The following SFTPB variants were observed in gnomAD, a reference collection of about 807,000 sequenced individuals.
SFTPB encodes the protein surfactant protein B.
Under a neutral mutation model 51.0 loss-of-function variants are expected in SFTPB, and 32 were observed. The observed-to-expected ratio is 0.63, with a 90% CI of 0.47 to 0.84. The LOEUF is 0.84. Among genes scored for constraint, SFTPB ranks in the 40% least tolerant of loss-of-function variants. SFTPB has a pLI of 0.00. For missense variants in SFTPB, 431 were observed against 491.2 expected, an observed-to-expected ratio of 0.88 and a Z score of 1.16; for synonymous variants, 211 against 208.5, an observed-to-expected ratio of 1.01 and a Z score of -0.10.
chr2:85,662,010 C>A lies in SFTPB; in HGVS notation c.1083+19G>T. The A allele has an allele frequency of 6.3e-7, 1 of 1,586,852 alleles. No individual in the cohort carries two copies. Among genetic ancestry groups the A allele is most frequent in the Non-Finnish European group, 8.6e-7 (1 of 1,168,118 alleles). ...GAGCCAAGGGAAGTCCTAGGACCAA[C>A]TGGGAGGGGTGGGTGTACCTGGCAG... is the stretch of plus-strand genomic sequence containing the variant. On this transcript the variant is annotated intron_variant, in intron 9 of 10. Transcript: ENST00000519937.
chr2:85,666,215 CTGTGTGTGTG>C (rs34530476), intron 4 of SFTPB, among the ~76,000 whole-genome samples: 7 of 96,438 alleles, frequency 7.3e-5, no homozygotes, highest in South Asian at 3.7e-4. Flanking sequence ...TGTGTGTGTG[CTGTGTGTGTG>C]TGTGTGTGTG....
chr2:85,662,149 A>AG, intron 8 of SFTPB, 40 bp from the exon 9 acceptor site: 1 of 1,576,184 alleles, frequency 6.3e-7, no homozygotes, highest in East Asian at 2.3e-5. Context: ...GTCCCTTTGC[A>AG]GGACTCTCCT....
intron 10 of SFTPB, among the ~76,000 whole-genome samples, chr2:85,660,122 CTT>C (rs34073715): frequency 5.2e-5 from 7 of 135,144 alleles, no homozygotes; most frequent in Admixed American, 7.5e-5. Context: ...GCACCCACTA[CTT>C]TTTTTTTTTT....
rs533650464 is a variant in SFTPB, at chr2:85,663,887, C to T, written c.673-40G>A. Reference sequence around the variant, plus strand: ...GAGAGAGGCCAGCATGGGACCTTCACTTGGCAAGCCTCCACTCTCTGCCCA... The same window carrying T: ...GAGAGAGGCCAGCATGGGACCTTCATTTGGCAAGCCTCCACTCTCTGCCCA... On this transcript the variant is annotated intron_variant, in intron 6 of 10. Transcript: ENST00000519937. The T allele has an allele frequency of 2.0e-4, 315 of 1,539,948 alleles. 1 individual carries two copies. In the South Asian group the frequency reaches 3.5e-3, roughly 17 times the overall value.
intron 4 of SFTPB, among the ~76,000 whole-genome samples, chr2:85,666,198 G>A (rs1177585540): frequency 2.8e-5 from 4 of 144,656 alleles, no homozygotes; most frequent in Non-Finnish European, 6.0e-5. Flanking sequence ...GTGGCCAGCT[G>A]GGGTGCTGTG....
intron 2 of SFTPB, 146 bp from the exon 3 acceptor site, chr2:85,667,323 A>T: frequency 1.4e-6 from 1 of 703,496 alleles, no homozygotes; most frequent in Non-Finnish European, 2.6e-6. Flanking sequence ...CATCTCATCC[A>T]TATCAATTTA....
chr2:85,658,440 A>G lies in SFTPB; in HGVS notation c.*1262T>C, dbSNP rs1184957832. On this transcript the variant is annotated 3_prime_UTR_variant, in exon 11 of 11. Transcript: ENST00000519937. The stretch of plus-strand genomic sequence containing the variant: ...GACGTCTGCTTCTCTGCCAAGGGAG[A>G]GAGTGAGGTAGGCCTGGGCCCGCTG... 1 of 152,108 alleles carries G rather than the reference A, an allele frequency of 6.6e-6. No individual in the cohort carries two copies. The highest frequency in any genetic ancestry group is 1.5e-5 in the Non-Finnish European group (1 of 68,090). The allele number at this position is 152,108 out of a possible 1,614,324, so 9.4% of individuals were successfully genotyped here.
In SFTPB at chr2:85,657,949, G is replaced by A. The variant is rs1349455392; in HGVS notation, c.*1753C>T. ...TACAAAGCACCTTCTCAAGGGTGGGGAAGGTGTATTGTCACAAGGTCAATT... is the reference window on the plus strand; with the variant it reads ...TACAAAGCACCTTCTCAAGGGTGGGAAAGGTGTATTGTCACAAGGTCAATT... On this transcript the variant is annotated 3_prime_UTR_variant, in exon 11 of 11. Coordinates refer to ENST00000519937, the MANE Select transcript of SFTPB (RefSeq NM_000542.5). 3 of 152,204 alleles carry A rather than the reference G, an allele frequency of 2.0e-5. No individual in the cohort carries two copies. Among genetic ancestry groups the A allele is most frequent in the Non-Finnish European group, 2.9e-5 (2 of 68,048 alleles). The allele number at this position is 152,204 out of a possible 1,614,324, so 9.4% of individuals were successfully genotyped here.
chr2:85,660,153 C>T (rs1281592521), intron 10 of SFTPB, among the ~76,000 whole-genome samples: 1 of 148,736 alleles, frequency 6.7e-6, no homozygotes, highest in East Asian at 2.0e-4. Flanking sequence ...GACGGAGTCT[C>T]ACTCTGTCAC....
chr2:85,664,047 G>A (rs1677455012), intron 6 of SFTPB, among the ~76,000 whole-genome samples, 200 bp from the exon 7 acceptor site: 2 of 152,182 alleles, frequency 1.3e-5, no homozygotes, highest in African/African-American at 4.8e-5. Context: ...ACTGAGTGTA[G>A]GAGCCAGCTT....
At chr2:85,660,276 C>T (rs915426788) in intron 10 of SFTPB, among the ~76,000 whole-genome samples, 1 of 148,578 alleles carries the variant, frequency 6.7e-6, no homozygotes, top group African/African-American at 2.5e-5. Context: ...TGTGTGCCAC[C>T]ACATCTGGCT....
At chr2:85,668,087 C>T (rs1407651438) in intron 1 of SFTPB, 30 bp downstream of exon 1, 3 of 1,517,452 alleles carry the variant, frequency 2.0e-6, no homozygotes, top group Non-Finnish European at 2.7e-6. Flanking sequence ...GTGGAGCTGC[C>T]TAGGAGAGGG....
At chr2:85,663,598 AT>A in intron 7 of SFTPB, 65 bp downstream of exon 7, 1 of 1,594,128 alleles carries the variant, frequency 6.3e-7, no homozygotes, top group Non-Finnish European at 8.6e-7. Flanking sequence ...GGAGAGGGTC[AT>A]GCAGTGGCAG....
chr2:85,664,789 G>T (rs1677489812), intron 6 of SFTPB, among the ~76,000 whole-genome samples: 1 of 152,236 alleles, frequency 6.6e-6, no homozygotes. Flanking sequence ...AGGGGGCAGG[G>T]CCTTTCCTCA....
intron 6 of SFTPB, among the ~76,000 whole-genome samples, chr2:85,664,569 A>T (rs1677478801): frequency 6.6e-6 from 1 of 152,030 alleles, no homozygotes; most frequent in East Asian, 1.9e-4. Context: ...GGTTCAAGTG[A>T]TTCTCCTGCC....
Position 85,663,439 on chromosome 2 carries a change from CAT to C in SFTPB, c.907_908del (p.Met303ValfsTer93). 4 of 1,614,048 alleles carry C rather than the reference CAT, an allele frequency of 2.5e-6. No individual in the cohort carries two copies. Among genetic ancestry groups the C allele is most frequent in the Non-Finnish European group, 3.4e-6 (4 of 1,180,034 alleles). On this transcript the variant is annotated frameshift_variant, in exon 8 of 11. Transcript: ENST00000519937. LOFTEE classifies it high-confidence loss of function. Reference sequence around the variant, plus strand: ...TGTTCCCGGCCTGGGTGGTCACGGACATGCAGAGGTGGCACTCAGAGTCTCGC... The same window carrying C: ...TGTTCCCGGCCTGGGTGGTCACGGACGCAGAGGTGGCACTCAGAGTCTCGC... ...LPRDSECHLC[M>X]SVTTQAGNSS...
chr2:85,666,584 G>GAGGC (rs1359617676), intron 4 of SFTPB, 33 bp downstream of exon 4: 1 of 1,609,804 alleles, frequency 6.2e-7, no homozygotes, highest in African/African-American at 1.3e-5. Context: ...CCTGCGTGGG[G>GAGGC]AGGCAGGCAG....
intron 4 of SFTPB, 45 bp downstream of exon 4, chr2:85,666,572 G>A (rs757054997): frequency 8.1e-6 from 13 of 1,603,112 alleles, no homozygotes; most frequent in South Asian, 4.4e-5. Flanking sequence ...TGGGCACAGG[G>A]GCCTGCGTGG....
chr2:85,667,387 TCATCC>T lies in SFTPB; in HGVS notation c.196-215_196-211del, dbSNP rs200401655. Among the ~76,000 whole-genome samples, 1,533 of 151,680 alleles carry T rather than the reference TCATCC, an allele frequency of 0.01. 22 individuals carry two copies. The highest frequency in any genetic ancestry group is 0.03 in the African/African-American group (1,236 of 41,128). On this transcript the variant is annotated intron_variant, in intron 2 of 10. Transcript: ENST00000519937. ...CCAATCCATCCATCTTTATTCTGTG[TCATCC>T]CATCCCATCCCATCCCATCCCATCC...
Sources: gnomAD v4.1 joint callset for allele counts (sites outside exome capture counted in the v4.1 genomes callset) on GRCh38, gnomAD v4.1.1 for gene constraint, MANE v1.5 for transcripts, NCBI Gene and HGNC (gene_info 2026-07-23, HGNC 2026-07-21) for gene names.